The following FGF14 variants were observed in gnomAD, a reference collection of about 807,000 sequenced individuals.
The protein encoded by FGF14 is fibroblast growth factor homologous factor 4.
In FGF14, 5 loss-of-function variants were observed where a neutral mutation model predicts 25.5. That is an observed-to-expected ratio of 0.20 (90% confidence interval 0.10 to 0.41). The LOEUF (loss-of-function observed/expected upper bound fraction) is 0.41. FGF14 is among the 10% of genes least tolerant of loss of function. The pLI is 1.00. For synonymous variants in FGF14, 138 were observed against 118.3 expected (o/e 1.17, Z -1.08); for missense variants, 222 against 320.1 (o/e 0.69, Z 2.34).
intron 3 of FGF14, among the ~76,000 whole-genome samples, chr13:101,819,485 C>T (rs1731140657): frequency 2.0e-5 from 3 of 152,082 alleles, no homozygotes; most frequent in Non-Finnish European, 4.4e-5. Flanking sequence ...AAGGGGATAG[C>T]TATCTTCCAT....
At chr13:101,766,195 G>A (rs992498253) in intron 3 of FGF14, among the ~76,000 whole-genome samples, 3 of 152,202 alleles carry the variant, frequency 2.0e-5, no homozygotes, top group Non-Finnish European at 4.4e-5. Flanking sequence ...TATTTGATGT[G>A]AGTATGAAAT....
intron 1 of FGF14, among the ~76,000 whole-genome samples, chr13:102,035,464 G>T (rs1285421414): frequency 6.6e-6 from 1 of 152,090 alleles, no homozygotes; most frequent in African/African-American, 2.4e-5. Flanking sequence ...TTGGGCTCTA[G>T]CCTGTATATG....
At chr13:102,149,182 T>C (rs566723043) in intron 1 of FGF14, among the ~76,000 whole-genome samples, 1 of 151,982 alleles carries the variant, frequency 6.6e-6, no homozygotes, top group South Asian at 2.1e-4. Flanking sequence ...AATATCATTA[T>C]TTTAAAATAA....
At chr13:102,071,202 G>A (rs1445220922) in intron 1 of FGF14, among the ~76,000 whole-genome samples, 2 of 152,150 alleles carry the variant, frequency 1.3e-5, no homozygotes, top group Admixed American at 6.5e-5. Context: ...TGTGCACATC[G>A]TGGGTGGAAA....
intron 1 of FGF14, among the ~76,000 whole-genome samples, chr13:102,106,622 A>AAGAG (rs1157694701): frequency 3.3e-5 from 5 of 151,612 alleles, no homozygotes; most frequent in South Asian, 2.1e-4. Context: ...AAAAGAAAGA[A>AAGAG]AGAGAGAGAG....
intron 1 of FGF14, among the ~76,000 whole-genome samples, chr13:101,989,943 C>T (rs528778019): frequency 4.6e-5 from 7 of 152,198 alleles, no homozygotes; most frequent in South Asian, 4.1e-4. Context: ...TCCAAGCACA[C>T]GCTGGATTTA....
intron 1 of FGF14, among the ~76,000 whole-genome samples, chr13:102,098,490 T>C (rs920843625): frequency 1.4e-4 from 22 of 152,240 alleles, no homozygotes; most frequent in Non-Finnish European, 2.4e-4. Flanking sequence ...AGATGTTCTA[T>C]TTACAGCTAT....
At position 101,722,687 on chromosome 13, in the gene FGF14, G is replaced by T; in HGVS notation, c.*144C>A. The T allele has an allele frequency of 9.0e-7, 1 of 1,108,588 alleles. No individual in the cohort carries two copies. The highest frequency in any genetic ancestry group is 1.3e-6 in the Non-Finnish European group (1 of 755,688). The allele number at this position is 1,108,588 out of a possible 1,614,324, so 68.7% of individuals were successfully genotyped here. On this transcript the variant is annotated 3_prime_UTR_variant, in exon 5 of 5. Transcript: ENST00000376143. ...GCAACAGGTTGAGATTTATCCACTT[G>T]CAACAGAGAAGTTCGGAGACAGCAA...
chr13:102,247,900 T>G (rs902375204), intron 1 of FGF14, among the ~76,000 whole-genome samples: 1 of 152,178 alleles, frequency 6.6e-6, no homozygotes, highest in East Asian at 1.9e-4. Context: ...TATGGGATAC[T>G]ACACAGCCAT....
chr13:102,399,966 A>G (rs1364680056), intron 1 of FGF14, among the ~76,000 whole-genome samples: 1 of 152,118 alleles, frequency 6.6e-6, no homozygotes, highest in African/African-American at 2.4e-5. Context: ...GCCCTTTTAG[A>G]CTGTCTAACA....
chr13:102,045,488 T>C (rs1385559200), intron 1 of FGF14, among the ~76,000 whole-genome samples: 2 of 152,132 alleles, frequency 1.3e-5, no homozygotes, highest in Non-Finnish European at 1.5e-5. Flanking sequence ...GGACAACTCA[T>C]TGTCTGATTT....
chr13:101,803,849 G>A (rs1444616016), intron 3 of FGF14, among the ~76,000 whole-genome samples: 5 of 152,154 alleles, frequency 3.3e-5, no homozygotes, highest in Admixed American at 3.3e-4. Context: ...TCAGATGCAT[G>A]TGAGACATGG....
chr13:101,980,575 T>C (rs1167461462), intron 1 of FGF14, among the ~76,000 whole-genome samples: 2 of 152,196 alleles, frequency 1.3e-5, no homozygotes, highest in Admixed American at 1.3e-4. Context: ...TTCAGGGTCT[T>C]TGAAGAGGCA....
chr13:101,848,523 G>A (rs1230833168), intron 3 of FGF14, among the ~76,000 whole-genome samples: 2 of 152,046 alleles, frequency 1.3e-5, no homozygotes, highest in Non-Finnish European at 2.9e-5. Context: ...CCTTCAGCGA[G>A]AATGAGGTTT....
chr13:101,803,819 A>T (rs558806226), intron 3 of FGF14, among the ~76,000 whole-genome samples: 1 of 152,320 alleles, frequency 6.6e-6, no homozygotes, highest in East Asian at 1.9e-4. Flanking sequence ...ACACGAATTC[A>T]ATCTCAGACA....
intron 1 of FGF14, among the ~76,000 whole-genome samples, chr13:102,273,815 T>C (rs2053369517): frequency 6.6e-6 from 1 of 151,964 alleles, no homozygotes; most frequent in Non-Finnish European, 1.5e-5. Flanking sequence ...GGTGAGTGCC[T>C]GTAGTCTCAA....
At chr13:101,931,404 C>T (rs566817398) in intron 1 of FGF14, among the ~76,000 whole-genome samples, 1 of 152,162 alleles carries the variant, frequency 6.6e-6, no homozygotes, top group African/African-American at 2.4e-5. Flanking sequence ...GGCACTTCTT[C>T]AGAATACACA....
intron 1 of FGF14, among the ~76,000 whole-genome samples, chr13:102,322,162 C>A (rs1424047493): frequency 6.6e-6 from 1 of 152,202 alleles, no homozygotes; most frequent in Non-Finnish European, 1.5e-5. Flanking sequence ...AACACACCTA[C>A]ATATTGTCTC....
intron 1 of FGF14, among the ~76,000 whole-genome samples, chr13:102,264,998 G>T (rs2052916497): frequency 6.6e-6 from 1 of 152,104 alleles, no homozygotes; most frequent in Admixed American, 6.6e-5. Flanking sequence ...GTATCATAAA[G>T]AAACACAGTC....
Sources: gnomAD v4.1 joint callset for allele counts (sites outside exome capture counted in the v4.1 genomes callset) on GRCh38, gnomAD v4.1.1 for gene constraint, MANE v1.5 for transcripts, NCBI Gene and HGNC (gene_info 2026-07-23, HGNC 2026-07-21) for gene names.